The following C11orf91 variants were observed in gnomAD, a reference collection of about 807,000 sequenced individuals.
The protein encoded by C11orf91 is uncharacterized protein C11orf91.
C11orf91 carries 10 observed loss-of-function variants against 14.3 expected under a neutral mutation model. The observed-to-expected ratio is 0.70, with a 90% CI of 0.43 to 1.18. C11orf91 has a LOEUF of 1.18. C11orf91 is among the 50% of genes most tolerant of loss of function. The pLI is 0.00. For missense variants in C11orf91, 236 were observed against 269.0 expected (o/e 0.88, Z 0.86); for synonymous variants, 141 against 130.6 (o/e 1.08, Z -0.54).
At chr11:33,699,538 T>A in intron 1 of C11orf91, 1 of 456,300 alleles carries the variant, frequency 2.2e-6, no homozygotes, top group South Asian at 1.5e-5. Flanking sequence ...TTAACAACTT[T>A]ACCCTCCAAC....
intron 1 of C11orf91, among the ~76,000 whole-genome samples, chr11:33,698,799 G>A (rs376210359): frequency 3.3e-5 from 1 of 29,876 alleles, no homozygotes; most frequent in Non-Finnish European, 7.7e-5. Context: ...TTTTTTTTTT[G>A]AGAGGGAGTC....
At position 33,698,367 on chromosome 11, in the gene C11orf91, G is replaced by A. The variant is rs1853060435; in HGVS notation, c.*62C>T. On this transcript the variant is annotated 3_prime_UTR_variant, in exon 2 of 2. Transcript: ENST00000379011. ...CCATCTTTGAAATGACAACAAATGG[G>A]ACACATTATCTAAGCACTAACACCT... 1.1e-6 allele frequency: 1 copy of A among 940,276 alleles called. No homozygotes were observed. Among genetic ancestry groups the A allele is most frequent in the South Asian group, 1.4e-5 (1 of 70,842 alleles). The allele number at this position is 940,276 out of a possible 1,614,324, so 58.2% of individuals were successfully genotyped here.
At chr11:33,702,766 C>T (rs1162254657), upstream of C11orf91, 3 of 371,022 alleles carry the variant, frequency 8.1e-6, no homozygotes, top group Non-Finnish European at 1.6e-5. Flanking sequence ...AATTTTTTCA[C>T]CCCTACAGAA....
Position 33,700,591 on chromosome 11 carries a change from CT to C in C11orf91, c.149del (p.Lys50ArgfsTer120). ...NIWKKLFVPL[K>X]AGGAPVGGAA... is the part of the protein sequence containing the mutation. ...CCCCGCCCACTGGCGCCCCGCCCGC[CT>C]TCAGCGGCACGAAGAGCTTCTTCCA... On this transcript the variant is annotated frameshift_variant, in exon 1 of 2. Transcript: ENST00000379011. LOFTEE classifies it high-confidence loss of function. 1 of 1,463,424 alleles carries C rather than the reference CT, an allele frequency of 6.8e-7. No individual in the cohort carries two copies. Among genetic ancestry groups the C allele is most frequent in the Non-Finnish European group, 9.0e-7 (1 of 1,112,240 alleles). The allele number at this position is 1,463,424 out of a possible 1,614,324, so 90.7% of individuals were successfully genotyped here.
chr11:33,704,725 G>C (rs1247569915), upstream of C11orf91: 1 of 152,424 alleles, frequency 6.6e-6, no homozygotes, highest in Non-Finnish European at 1.5e-5. Context: ...CAGCTCTAGA[G>C]GCCAGGGTGT....
intron 1 of C11orf91, chr11:33,699,588 C>T: frequency 2.2e-6 from 1 of 456,300 alleles, no homozygotes; most frequent in South Asian, 1.5e-5. Context: ...GGGATCCTGC[C>T]CGCATCAGCA....
At position 33,700,521 on chromosome 11, in the gene C11orf91, G is replaced by C; in HGVS notation, c.220C>G (p.Pro74Ala). 7.5e-7 allele frequency: 1 copy of C among 1,342,258 alleles called. No homozygotes were observed. Among genetic ancestry groups the C allele is most frequent in the Non-Finnish European group, 9.5e-7 (1 of 1,056,542 alleles). The allele number at this position is 1,342,258 out of a possible 1,614,324, so 83.1% of individuals were successfully genotyped here. ...SLSQALPAPA[P>A]PPPPPPGLGP... ...AGGCCGGGTGGTGGCGGGGGCGGGG[G>C]CGCCGGGGCGGGGAGCGCCTGGGAC... Residue 74 changes from proline to alanine, a missense_variant, in exon 1 of 2, where the codon CCC becomes GCC. Physicochemically the swap from Pro to Ala is conservative, Grantham distance 27 (BLOSUM62 -1). Transcript: ENST00000379011.
chr11:33,699,981 C>CAG (rs1483615158), intron 1 of C11orf91, among the ~76,000 whole-genome samples: 1 of 152,056 alleles, frequency 6.6e-6, no homozygotes, highest in African/African-American at 2.4e-5. Flanking sequence ...TGTGGAGGCT[C>CAG]AGAGTCCAGA....
At chr11:33,699,966 C>T (rs532687091) in intron 1 of C11orf91, among the ~76,000 whole-genome samples, 1 of 151,068 alleles carries the variant, frequency 6.6e-6, no homozygotes, top group East Asian at 1.9e-4. Context: ...GGATGGAGTT[C>T]CAGGTGTGGA....
Position 33,698,462 on chromosome 11 carries a change from C to G in C11orf91, c.549G>C (p.Lys183Asn). 1 of 1,537,568 alleles carries G rather than the reference C, an allele frequency of 6.5e-7. No homozygotes were observed. The highest frequency in any genetic ancestry group is 1.2e-5 in the South Asian group (1 of 84,070). Residue 183 changes from lysine (K) to asparagine (N), a missense_variant, in exon 2 of 2, where the codon AAG becomes AAC. By Grantham distance (94) the Lys-to-Asn change is moderately conservative (BLOSUM62 0). Transcript: ENST00000379011. Reference sequence around the variant, plus strand: ...GAGAGGCCGACTTCTTTCCAGGTTGCTTGGTCTTCAGTCCTTGTAACTTTT... The same window carrying G: ...GAGAGGCCGACTTCTTTCCAGGTTGGTTGGTCTTCAGTCCTTGTAACTTTT... ...KDEKLQGLKT[K>N]QPGKKSASLS
At chr11:33,702,449 T>G (rs184045832), upstream of C11orf91, among the ~76,000 whole-genome samples, 8 of 152,268 alleles carry the variant, frequency 5.3e-5, no homozygotes, top group Non-Finnish European at 8.8e-5. Context: ...GGCAGGACCC[T>G]GTCTCAAAAT....
upstream of C11orf91, chr11:33,700,902 G>A: frequency 1.6e-6 from 1 of 610,460 alleles, no homozygotes; most frequent in Non-Finnish European, 2.3e-6. Flanking sequence ...TCCAAAGCCC[G>A]GACGACCACG....
intron 1 of C11orf91, chr11:33,699,414 G>A (rs1853083707): frequency 2.6e-6 from 1 of 390,758 alleles, no homozygotes; most frequent in Admixed American, 2.8e-5. Context: ...CTTCTCCAGT[G>A]GTCAAGGACA....
At chr11:33,702,139 G>T (rs1274566849), upstream of C11orf91, among the ~76,000 whole-genome samples, 2 of 152,154 alleles carry the variant, frequency 1.3e-5, no homozygotes, top group Admixed American at 1.3e-4. Flanking sequence ...TCAAGAAAAT[G>T]TATTTCCCCT....
At chr11:33,704,805 C>G (rs1013495516), upstream of C11orf91, 2 of 152,548 alleles carry the variant, frequency 1.3e-5, no homozygotes, top group African/African-American at 4.8e-5. Context: ...AGTCTCCTAC[C>G]CCTCTTCCTG....
At chr11:33,701,930 T>C (rs1375223120), upstream of C11orf91, among the ~76,000 whole-genome samples, 1 of 152,066 alleles carries the variant, frequency 6.6e-6, no homozygotes, top group Non-Finnish European at 1.5e-5. Flanking sequence ...ACAGTGTGTG[T>C]GTGAAACACT....
upstream of C11orf91, chr11:33,704,621 A>G (rs979162808): frequency 6.6e-6 from 1 of 152,074 alleles, no homozygotes; most frequent in Non-Finnish European, 1.5e-5. Flanking sequence ...TAGGGTTCTC[A>G]TTTTCCAGAT....
intron 1 of C11orf91, chr11:33,699,599 C>T: frequency 2.2e-6 from 1 of 456,304 alleles, no homozygotes; most frequent in African/African-American, 2.0e-5. Context: ...CGCATCAGCA[C>T]ACGTGGTCCA....
upstream of C11orf91, chr11:33,705,189 A>G (rs1853261924): frequency 6.6e-6 from 1 of 152,206 alleles, no homozygotes; most frequent in South Asian, 2.1e-4. Flanking sequence ...CGTAGCTAAC[A>G]CTTAGTGACC....
Sources: allele counts gnomAD v4.1 joint callset (sites outside exome capture counted in the v4.1 genomes callset), GRCh38; gene constraint gnomAD v4.1.1; transcripts MANE v1.5; gene names NCBI Gene and HGNC (gene_info 2026-07-23, HGNC 2026-07-21).